The following ATP9A variants were observed in gnomAD, a reference collection of about 807,000 sequenced individuals.
ATP9A encodes the protein ATPase phospholipid transporting 9A, also known as probable phospholipid-transporting ATPase IIA.
Under a neutral mutation model 144.1 loss-of-function variants are expected in ATP9A, and 52 were observed. The observed-to-expected ratio is 0.36, with a 90% CI of 0.29 to 0.45. The LOEUF is 0.45. ATP9A is among the 20% of genes least tolerant of loss of function. The probability of loss-of-function intolerance (pLI) is 1.00; values close to 1 mark genes in which losing one functional copy is unlikely to be tolerated. For missense variants in ATP9A, 947 were observed against 1,392.7 expected (o/e 0.68, Z 5.09); for synonymous variants, 582 against 557.4 (o/e 1.04, Z -0.62).
chr20:51,726,174 G>T lies in ATP9A; in HGVS notation c.214-242C>A, dbSNP rs574215375. Among the ~76,000 whole-genome samples the T allele has an allele frequency of 1.7e-3, 260 of 152,006 alleles. 1 individual carries two copies. Among genetic ancestry groups the T allele is most frequent in the African/African-American group, 6.0e-3 (249 of 41,464 alleles). ...CTAAAACTACAAAAATTAGCCAGGC[G>T]TGGTGGCAGGCACCTATAATCCCAG... is the stretch of plus-strand genomic sequence containing the variant. On this transcript the variant is annotated intron_variant, in intron 2 of 27. Transcript: ENST00000338821.
At chr20:51,653,054 G>A (rs560353271) in intron 14 of ATP9A, among the ~76,000 whole-genome samples, 1 of 150,126 alleles carries the variant, frequency 6.7e-6, no homozygotes, top group East Asian at 2.0e-4. Context: ...AGCTTGCAGT[G>A]AGCCGAGATC....
chr20:51,696,026 T>C, intron 6 of ATP9A, 67 bp downstream of exon 6: 1 of 1,406,934 alleles, frequency 7.1e-7, no homozygotes, highest in African/African-American at 1.4e-5. Context: ...CATTTTCAAA[T>C]GATTATTTTG....
At chr20:51,704,796 CA>C (rs1370453322) in intron 4 of ATP9A, among the ~76,000 whole-genome samples, 1 of 151,232 alleles carries the variant, frequency 6.6e-6, no homozygotes, top group Non-Finnish European at 1.5e-5. Flanking sequence ...AAAAAACAAA[CA>C]AACAAAAAAA....
intron 14 of ATP9A, among the ~76,000 whole-genome samples, chr20:51,651,326 A>G (rs1327364291): frequency 7.1e-6 from 1 of 141,730 alleles, no homozygotes; most frequent in African/African-American, 2.6e-5. Context: ...TATATAATAT[A>G]TATTTACATA....
At chr20:51,690,248 G>A (rs530833373) in intron 8 of ATP9A, among the ~76,000 whole-genome samples, 21 of 151,008 alleles carry the variant, frequency 1.4e-4, no homozygotes, top group South Asian at 2.1e-4. Flanking sequence ...GTGAAAACCC[G>A]TCTCTACTAA....
At chr20:51,706,191 TG>T (rs1238859090) in intron 4 of ATP9A, among the ~76,000 whole-genome samples, 5 of 152,236 alleles carry the variant, frequency 3.3e-5, no homozygotes, top group Non-Finnish European at 2.9e-5. Flanking sequence ...GGCTGAACGC[TG>T]TAGCAGTTGT....
chr20:51,697,601 C>G (rs544085121), intron 4 of ATP9A, 119 bp from the exon 5 acceptor site: 104 of 845,684 alleles, frequency 1.2e-4, no homozygotes, highest in Non-Finnish European at 1.7e-4. Context: ...CTCCCACACA[C>G]AGCTGCCAGT....
At chr20:51,655,980 A>G (rs1260211005) in intron 14 of ATP9A, among the ~76,000 whole-genome samples, 1 of 152,220 alleles carries the variant, frequency 6.6e-6, no homozygotes, top group Non-Finnish European at 1.5e-5. Context: ...GTGAATATGC[A>G]TGGATGAATC....
At chr20:51,642,525 T>C (rs750345740) in intron 14 of ATP9A, among the ~76,000 whole-genome samples, 3 of 151,772 alleles carry the variant, frequency 2.0e-5, no homozygotes, top group Non-Finnish European at 4.4e-5. Flanking sequence ...GGACATGGGA[T>C]GAGGGTCTCA....
At position 51,690,109 on chromosome 20, in the gene ATP9A, C is replaced by CAAAA. The variant is rs796336088; in HGVS notation, c.723+626_723+629dup. Among the ~76,000 whole-genome samples the CAAAA allele has an allele frequency of 5.3e-3, 318 of 59,912 alleles. 44 individuals carry two copies. Among genetic ancestry groups the CAAAA allele is most frequent in the African/African-American group, 0.017 (257 of 15,200 alleles). 39.3% of individuals were successfully genotyped at this position (59,912 alleles called of 152,430 possible). ...CCTAGGCGACAGAAGGAGACCGTCT[C>CAAAA]AAAAAAAAAAAAAAAAAAAAAAAAA... is the stretch of plus-strand genomic sequence containing the variant. On this transcript the variant is annotated intron_variant, in intron 8 of 27. Transcript: ENST00000338821.
chr20:51,767,699 T>A (rs1286050528), intron 1 of ATP9A, among the ~76,000 whole-genome samples: 1 of 152,028 alleles, frequency 6.6e-6, no homozygotes, highest in Non-Finnish European at 1.5e-5. Context: ...AAGCGGCCAG[T>A]AGGAGACCCT....
chr20:51,612,827 C>T (rs1298498539), intron 23 of ATP9A, among the ~76,000 whole-genome samples: 3 of 152,128 alleles, frequency 2.0e-5, no homozygotes, highest in Non-Finnish European at 4.4e-5. Context: ...ATGTTAACTT[C>T]CAAGGGTATT....
chr20:51,706,689 G>A (rs980749193), intron 4 of ATP9A, among the ~76,000 whole-genome samples: 4 of 152,230 alleles, frequency 2.6e-5, no homozygotes, highest in Non-Finnish European at 5.9e-5. Flanking sequence ...GGTAGAGACT[G>A]CAGTGAACTG....
chr20:51,745,266 A>T (rs2077802973), intron 1 of ATP9A, among the ~76,000 whole-genome samples: 2 of 124,116 alleles, frequency 1.6e-5, no homozygotes, highest in South Asian at 5.2e-4. Flanking sequence ...GACTCCGTCT[A>T]AAAAAAAAAA....
intron 4 of ATP9A, among the ~76,000 whole-genome samples, chr20:51,701,757 G>A (rs968795850): frequency 4.6e-5 from 7 of 152,130 alleles, no homozygotes; most frequent in East Asian, 1.9e-4. Context: ...GATGAGCCTC[G>A]GATCTGCAGC....
At position 51,610,496 on chromosome 20, in the gene ATP9A, G is replaced by C. The variant is rs150316008; in HGVS notation, c.2572-331C>G. On this transcript the variant is annotated intron_variant, in intron 23 of 27. Transcript: ENST00000338821. ...AGCTCCAGGGTCTACTCAGCCTGTT[G>C]TGAATATTTATTAAGTTCCAGGACC... Among the ~76,000 whole-genome samples, 42 of 152,272 alleles carry C rather than the reference G, an allele frequency of 2.8e-4. 1 individual carries two copies. Among genetic ancestry groups the C allele is most frequent in the Middle Eastern group, 3.4e-3 (1 of 294 alleles).
At chr20:51,744,353 A>G (rs2086789072) in intron 1 of ATP9A, among the ~76,000 whole-genome samples, 1 of 152,040 alleles carries the variant, frequency 6.6e-6, no homozygotes, top group East Asian at 1.9e-4. Flanking sequence ...TTTAGTAGAG[A>G]TGGGGTTTCA....
intron 3 of ATP9A, among the ~76,000 whole-genome samples, chr20:51,725,491 A>G (rs1187010418): frequency 6.6e-6 from 1 of 152,094 alleles, no homozygotes; most frequent in Non-Finnish European, 1.5e-5. Context: ...AGGACAGGGG[A>G]TTTGTCTTTC....
chr20:51,670,068 G>T lies in ATP9A; in HGVS notation c.1222C>A (p.Leu408Ile). The T allele has an allele frequency of 6.2e-7, 1 of 1,614,182 alleles. No individual in the cohort carries two copies. The highest frequency in any genetic ancestry group is 1.3e-5 in the African/African-American group (1 of 75,036). ...TCGAGGCCGTAGGCTACTGTTCCGA[G>T]ATGGAGCCGTTTGAAAATCATCTCG... The part of the protein sequence containing the change: ...QNEMIFKRLH[L>I]GTVAYGLDSM... Residue 408 changes from leucine to isoleucine, a missense_variant, in exon 13 of 28, where the codon CTC becomes ATC. By Grantham distance (5) the Leu-to-Ile change is conservative (BLOSUM62 2). This residue lies in a region of ATP9A where 770 missense variants were observed against 1,047.9 expected (regional missense o/e 0.73). Transcript: ENST00000338821.
Sources: allele counts gnomAD v4.1 joint callset (sites outside exome capture counted in the v4.1 genomes callset), GRCh38; gene constraint gnomAD v4.1.1; regional missense constraint gnomAD v4.1.1; transcripts MANE v1.5; gene names NCBI Gene and HGNC (gene_info 2026-07-23, HGNC 2026-07-21).